The following DTNB variants were observed in gnomAD, a reference collection of about 807,000 sequenced individuals.
DTNB encodes dystrobrevin beta.
Under a neutral mutation model 90.7 loss-of-function variants are expected in DTNB, and 63 were observed. The observed-to-expected ratio is 0.69, with a 90% CI of 0.57 to 0.86. The LOEUF (loss-of-function observed/expected upper bound fraction) is 0.86. DTNB is among the 40% of genes least tolerant of loss of function. The pLI is 0.00. For synonymous variants in DTNB, 277 were observed against 286.7 expected (o/e 0.97, Z 0.34); for missense variants, 744 against 807.1 (o/e 0.92, Z 0.95).
intron 19 of DTNB, chr2:25,383,630 T>G: frequency 9.6e-6 from 10 of 1,045,728 alleles, no homozygotes; most frequent in Non-Finnish European, 1.1e-5. Context: ...GATCAGGAAA[T>G]GAGGAAGCTC....
chr2:25,482,684 A>T, intron 10 of DTNB, 112 bp downstream of exon 10: 1 of 1,028,844 alleles, frequency 9.7e-7, no homozygotes, highest in Non-Finnish European at 1.5e-6. Context: ...AAAGCAAACC[A>T]GTCCTTTCTG....
At chr2:25,526,395 A>ATTTTTTTTTTT (rs1245672956) in intron 9 of DTNB, among the ~76,000 whole-genome samples, 8 of 49,858 alleles carry the variant, frequency 1.6e-4, no homozygotes, top group African/African-American at 6.8e-4. Flanking sequence ...ATATATATAT[A>ATTTTTTTTTTT]TTTTTTTTTT....
chr2:25,552,399 T>C lies in DTNB; in HGVS notation c.877-20802A>G, dbSNP rs1338926944. On this transcript the variant is annotated intron_variant, in intron 8 of 20. Transcript: ENST00000406818. ...ATCCAGCACCTGGAACCCTACCTTG[T>C]CTCTGCAATCCAAGCTCCTATATAC... 2.0e-5 allele frequency among the ~76,000 whole-genome samples: 3 copies of C among 152,338 alleles called. No individual in the cohort carries two copies. The East Asian group carries it at 5.8e-4, about 29-fold the overall frequency.
intron 8 of DTNB, among the ~76,000 whole-genome samples, chr2:25,540,003 T>C (rs1286026758): frequency 6.6e-6 from 1 of 152,190 alleles, no homozygotes; most frequent in Non-Finnish European, 1.5e-5. Context: ...CTGCTGGATA[T>C]ATATTCTATT....
chr2:25,625,234 T>C (rs1363368414), intron 4 of DTNB, among the ~76,000 whole-genome samples: 1 of 152,210 alleles, frequency 6.6e-6, no homozygotes, highest in African/African-American at 2.4e-5. Context: ...GTTGTCTATG[T>C]ATAAAAGGAA....
chr2:25,646,469 C>G (rs533153852), intron 2 of DTNB, among the ~76,000 whole-genome samples: 5 of 151,356 alleles, frequency 3.3e-5, no homozygotes, highest in African/African-American at 1.2e-4. Flanking sequence ...GAGACTCCAT[C>G]TCAAAAAAAA....
Position 25,391,009 on chromosome 2 carries a change from GC to G in DTNB, c.1576-2649del, listed in dbSNP as rs1226158224. ...CCTCCCGGGTTCACACCATTCTCCT[GC>G]CTCAGCCTCTTGACTAGCTGGGACT... On this transcript the variant is annotated intron_variant, in intron 16 of 20. Transcript: ENST00000406818. Among the ~76,000 whole-genome samples the G allele has an allele frequency of 4.0e-5, 6 of 149,964 alleles. No homozygotes were observed. In the East Asian group the frequency reaches 1.2e-3, roughly 30 times the overall value.
At chr2:25,633,036 A>G (rs1297882604) in intron 3 of DTNB, among the ~76,000 whole-genome samples, 3 of 152,248 alleles carry the variant, frequency 2.0e-5, no homozygotes, top group African/African-American at 4.8e-5. Flanking sequence ...AACTATGTAC[A>G]TAGAAATCAA....
At chr2:25,494,955 G>A (rs2068479675) in intron 9 of DTNB, among the ~76,000 whole-genome samples, 1 of 151,936 alleles carries the variant, frequency 6.6e-6, no homozygotes, top group African/African-American at 2.4e-5. Context: ...ACAAAAAAAT[G>A]TTCACTTACT....
intron 4 of DTNB, among the ~76,000 whole-genome samples, 174 bp downstream of exon 4, chr2:25,627,997 A>C (rs2074731310): frequency 6.6e-6 from 1 of 152,160 alleles, no homozygotes; most frequent in Non-Finnish European, 1.5e-5. Context: ...TGGCCTCCCA[A>C]AGTGCTGGGA....
chr2:25,576,754 C>T, intron 8 of DTNB, 84 bp downstream of exon 8: 1 of 1,413,162 alleles, frequency 7.1e-7, no homozygotes, highest in East Asian at 2.6e-5. Flanking sequence ...ATTTGGTAGG[C>T]ATCCATGAGG....
intron 8 of DTNB, among the ~76,000 whole-genome samples, chr2:25,532,431 T>A (rs1201130264): frequency 1.3e-5 from 2 of 152,070 alleles, no homozygotes; most frequent in African/African-American, 2.4e-5. Context: ...CAGATACAGA[T>A]ACAGAGTACA....
chr2:25,486,157 AAAAAT>A (rs2066081719), intron 9 of DTNB, among the ~76,000 whole-genome samples: 1 of 102,004 alleles, frequency 9.8e-6, no homozygotes, highest in South Asian at 3.3e-4. Context: ...AATAAAATAA[AAAAAT>A]AAAAAAGATT....
intron 7 of DTNB, among the ~76,000 whole-genome samples, chr2:25,577,616 T>A (rs986136153): frequency 1.3e-5 from 2 of 152,202 alleles, no homozygotes; most frequent in African/African-American, 4.8e-5. Flanking sequence ...CACAACTGTA[T>A]GTTACAGATC....
intron 8 of DTNB, among the ~76,000 whole-genome samples, chr2:25,562,063 C>T (rs1451543920): frequency 6.6e-6 from 1 of 152,168 alleles, no homozygotes; most frequent in Non-Finnish European, 1.5e-5. Context: ...CTTCCCATTC[C>T]TCCCTCTCCC....
chr2:25,517,271 T>C (rs1303703724), intron 9 of DTNB, among the ~76,000 whole-genome samples: 3 of 152,232 alleles, frequency 2.0e-5, no homozygotes, highest in African/African-American at 7.2e-5. Flanking sequence ...GTGATTGCCT[T>C]AGGGCTGGAA....
intron 9 of DTNB, among the ~76,000 whole-genome samples, chr2:25,524,900 G>A (rs978367013): frequency 3.9e-5 from 6 of 152,142 alleles, no homozygotes; most frequent in East Asian, 1.9e-4. Context: ...ATTATTACTC[G>A]TGCTATCCTG....
At chr2:25,378,925 T>C (rs767582361) in intron 20 of DTNB, among the ~76,000 whole-genome samples, 8 of 152,052 alleles carry the variant, frequency 5.3e-5, no homozygotes, top group Non-Finnish European at 7.4e-5. Context: ...AGGAAGGAAG[T>C]GGGCAGTGGC....
chr2:25,379,169 G>T, intron 20 of DTNB, 121 bp downstream of exon 20: 1 of 976,670 alleles, frequency 1.0e-6, no homozygotes, highest in Non-Finnish European at 1.4e-6. Flanking sequence ...TTGGGCTCTT[G>T]CATCTTCACC....
Sources: allele counts gnomAD v4.1 joint callset (sites outside exome capture counted in the v4.1 genomes callset), GRCh38; gene constraint gnomAD v4.1.1; transcripts MANE v1.5; gene names NCBI Gene and HGNC (gene_info 2026-07-23, HGNC 2026-07-21).